The following FAM120A variants were observed in gnomAD, a reference collection of about 807,000 sequenced individuals.
FAM120A encodes the protein constitutive coactivator of PPAR-gamma-like protein 1.
In FAM120A, 15 loss-of-function variants were observed where a neutral mutation model predicts 109.7. The observed-to-expected ratio is 0.14, with a 90% confidence interval of 0.09 to 0.21. The LOEUF (loss-of-function observed/expected upper bound fraction) is 0.21, where lower values mean the gene tolerates loss of function less well. Ranked by LOEUF, FAM120A falls within the 10% of genes least tolerant of loss-of-function variation. FAM120A has a pLI of 1.00. For missense variants in FAM120A, 899 were observed against 1,439.3 expected (o/e 0.62, Z 6.07); for synonymous variants, 493 against 572.8 (o/e 0.86, Z 1.99).
chr9:93,508,887 C>G (rs1265049118), intron 5 of FAM120A, among the ~76,000 whole-genome samples: 1 of 152,220 alleles, frequency 6.6e-6, no homozygotes, highest in Non-Finnish European at 1.5e-5. Context: ...TAACATACCC[C>G]CCAGAATCTG....
At chr9:93,526,972 T>TGGTTATCA (rs1442302065) in intron 7 of FAM120A, among the ~76,000 whole-genome samples, 183 bp from the exon 8 acceptor site, 1 of 152,254 alleles carries the variant, frequency 6.6e-6, no homozygotes, top group African/African-American at 2.4e-5. Flanking sequence ...CCATAGTATG[T>TGGTTATCA]GGTTATCACC....
chr9:93,476,028 C>T (rs1385444029), intron 2 of FAM120A, among the ~76,000 whole-genome samples: 2 of 152,116 alleles, frequency 1.3e-5, no homozygotes, highest in Non-Finnish European at 2.9e-5. Context: ...CAGTTTTATG[C>T]AGTTCTTAGG....
intron 12 of FAM120A, among the ~76,000 whole-genome samples, chr9:93,554,080 A>T (rs1015595019): frequency 2.7e-5 from 4 of 150,066 alleles, no homozygotes; most frequent in Non-Finnish European, 4.4e-5. Flanking sequence ...CATTTAAAAA[A>T]TTCTTAAAAG....
chr9:93,476,364 G>A (rs778802979), intron 3 of FAM120A, 26 bp downstream of exon 3: 1 of 1,446,568 alleles, frequency 6.9e-7, no homozygotes, highest in Non-Finnish European at 9.7e-7. Context: ...TATTTTTCTA[G>A]CATTTGTAAT....
At chr9:93,503,344 A>G (rs138140380) in intron 5 of FAM120A, among the ~76,000 whole-genome samples, 15 of 152,364 alleles carry the variant, frequency 9.8e-5, no homozygotes, top group African/African-American at 3.4e-4. Flanking sequence ...ATATGTCTTC[A>G]GTAGGTCAAC....
intron 11 of FAM120A, among the ~76,000 whole-genome samples, chr9:93,543,925 A>G (rs1317694678): frequency 1.3e-5 from 2 of 152,224 alleles, no homozygotes; most frequent in Non-Finnish European, 2.9e-5. Flanking sequence ...TGATTTTGTC[A>G]TTGTGTAAAA....
At chr9:93,514,114 A>T (rs1287961821) in intron 5 of FAM120A, among the ~76,000 whole-genome samples, 1 of 152,220 alleles carries the variant, frequency 6.6e-6, no homozygotes, top group Non-Finnish European at 1.5e-5. Flanking sequence ...TCATGGCAGA[A>T]GTTGAAGGGG....
At chr9:93,485,494 G>T (rs376595124) in intron 3 of FAM120A, among the ~76,000 whole-genome samples, 1 of 152,162 alleles carries the variant, frequency 6.6e-6, no homozygotes, top group Non-Finnish European at 1.5e-5. Flanking sequence ...CTACTTGACA[G>T]ACTGAAGTGG....
At chr9:93,496,093 A>G (rs773439710) in intron 3 of FAM120A, among the ~76,000 whole-genome samples, 17 of 152,232 alleles carry the variant, frequency 1.1e-4, no homozygotes, top group Non-Finnish European at 2.1e-4. Flanking sequence ...ATTTGGTTAC[A>G]TCTTCAGGCT....
At chr9:93,547,854 C>CTATG (rs931965481) in intron 11 of FAM120A, among the ~76,000 whole-genome samples, 15 of 152,150 alleles carry the variant, frequency 9.9e-5, no homozygotes, top group East Asian at 1.9e-4. Context: ...GATATTTAAT[C>CTATG]TATGTATGTA....
chr9:93,471,879 A>G (rs1315338445), intron 2 of FAM120A, among the ~76,000 whole-genome samples: 1 of 152,238 alleles, frequency 6.6e-6, no homozygotes, highest in East Asian at 1.9e-4. Context: ...AAATGTATAC[A>G]TGTCTTTAAA....
At chr9:93,493,280 G>A (rs184863321) in intron 3 of FAM120A, among the ~76,000 whole-genome samples, 1 of 152,292 alleles carries the variant, frequency 6.6e-6, no homozygotes, top group East Asian at 1.9e-4. Flanking sequence ...ATTCCAGCCA[G>A]TTTAATGTAC....
At chr9:93,477,228 G>C (rs2131279875) in intron 3 of FAM120A, among the ~76,000 whole-genome samples, 1 of 152,264 alleles carries the variant, frequency 6.6e-6, no homozygotes, top group Middle Eastern at 3.4e-3. Context: ...AGTTTCAAAT[G>C]GGAGTTTTTC....
chr9:93,480,845 T>C (rs1185145684), intron 3 of FAM120A, among the ~76,000 whole-genome samples: 2 of 152,184 alleles, frequency 1.3e-5, no homozygotes, highest in Non-Finnish European at 2.9e-5. Context: ...TGGATGCATA[T>C]TGGTCTTTCG....
intron 1 of FAM120A, among the ~76,000 whole-genome samples, chr9:93,457,673 A>T (rs1278520937): frequency 6.6e-6 from 1 of 152,234 alleles, no homozygotes; most frequent in African/African-American, 2.4e-5. Context: ...TTTTAAAAAA[A>T]TTATTCCATT....
intron 5 of FAM120A, among the ~76,000 whole-genome samples, chr9:93,506,071 G>A (rs1162626383): frequency 1.3e-5 from 2 of 152,146 alleles, no homozygotes; most frequent in Non-Finnish European, 2.9e-5. Flanking sequence ...GGATTATGCC[G>A]TTCTAGTTGC....
At chr9:93,473,022 ATT>A (rs111931341) in intron 2 of FAM120A, among the ~76,000 whole-genome samples, 1 of 146,466 alleles carries the variant, frequency 6.8e-6, no homozygotes, top group African/African-American at 2.5e-5. Context: ...TCTTTGGACA[ATT>A]TTTTTTTTTT....
At chr9:93,476,675 A>G (rs1858562029) in intron 3 of FAM120A, among the ~76,000 whole-genome samples, 2 of 152,218 alleles carry the variant, frequency 1.3e-5, no homozygotes, top group African/African-American at 4.8e-5. Flanking sequence ...TTTAGGTAGT[A>G]TAGTTACTTG....
At chr9:93,512,700 G>A (rs1406995701) in intron 5 of FAM120A, among the ~76,000 whole-genome samples, 1 of 152,312 alleles carries the variant, frequency 6.6e-6, no homozygotes, top group South Asian at 2.1e-4. Context: ...ACTTGGGCAT[G>A]GAGAACAAGA....
Sources: gnomAD v4.1 joint callset for allele counts (sites outside exome capture counted in the v4.1 genomes callset) on GRCh38, gnomAD v4.1.1 for gene constraint, MANE v1.5 for transcripts, NCBI Gene and HGNC (gene_info 2026-07-23, HGNC 2026-07-21) for gene names.